Variants in PLEKHN1 observed in about 807,000 individuals in gnomAD.
PLEKHN1 encodes the protein pleckstrin homology domain containing N1, also known as pleckstrin homology domain-containing family N member 1.
A neutral mutation model predicts 72.8 loss-of-function variants in PLEKHN1; 68 were observed. The ratio of observed to expected loss-of-function variants is 0.93; its 90% CI spans 0.77 to 1.14. PLEKHN1 has a LOEUF of 1.14. Among genes scored for constraint, PLEKHN1 ranks in the 50% most tolerant of loss-of-function variants. The probability of loss-of-function intolerance (pLI) is 0.00; values close to 1 mark genes in which losing one functional copy is unlikely to be tolerated. For missense variants in PLEKHN1, 1,015 were observed against 840.5 expected (o/e 1.21, Z -2.57); for synonymous variants, 454 against 371.6 (o/e 1.22, Z -2.55).
intron 13 of PLEKHN1, 31 bp from the exon 14 acceptor site, chr1:973,802 A>G (rs1187306873): frequency 1.9e-6 from 3 of 1,597,984 alleles, no homozygotes; most frequent in Non-Finnish European, 2.6e-6. Context: ...CCTGGCTGCC[A>G]CCCAGGCCCC....
chr1:969,676 G>C (rs1643194022), intron 2 of PLEKHN1, among the ~76,000 whole-genome samples: 1 of 152,158 alleles, frequency 6.6e-6, no homozygotes, highest in Non-Finnish European at 1.5e-5. Context: ...ATGTGTGCGT[G>C]TGTGTACATG....
At position 973,342 on chromosome 1, in the gene PLEKHN1, C is replaced by T; in HGVS notation, c.1293+16C>T. The stretch of plus-strand genomic sequence containing the variant: ...CCTGACCCAGGTGGGCCCAGCACAC[C>T]CACACAGCCCCTGGCCTGGTTCCCA... On this transcript the variant is annotated intron_variant, in intron 12 of 15. Coordinates refer to ENST00000379410, the MANE Select transcript of PLEKHN1 (RefSeq NM_032129.3). 1 of 1,551,182 alleles carries T rather than the reference C, an allele frequency of 6.4e-7. No individual in the cohort carries two copies. Among genetic ancestry groups the T allele is most frequent in the Non-Finnish European group, 8.7e-7 (1 of 1,145,162 alleles).
At position 974,024 on chromosome 1, in the gene PLEKHN1, G is replaced by GCCGCAGCCC. The variant is rs1557653555; in HGVS notation, c.1629_1637dup (p.Gln544_Pro546dup). On this transcript the variant is annotated inframe_insertion, in exon 14 of 16. Coordinates refer to ENST00000379410, the MANE Select transcript of PLEKHN1 (RefSeq NM_032129.3). Reference sequence around the variant, plus strand: ...ACCGGGGCTCAGCCAAGGATGGGGGGCCGCAGCCCCCAGACGCCCCTCAGC... The same window carrying GCCGCAGCCC: ...ACCGGGGCTCAGCCAAGGATGGGGGGCCGCAGCCCCCGCAGCCCCCAGACGCCCCTCAGC... 1 of 1,597,692 alleles carries GCCGCAGCCC rather than the reference G, an allele frequency of 6.3e-7. No individual in the cohort carries two copies. The highest frequency in any genetic ancestry group is 1.7e-5 in the Admixed American group (1 of 58,428).
At chr1:966,918 C>T (rs952069077) in intron 2 of PLEKHN1, 115 bp downstream of exon 2, 13 of 1,178,574 alleles carry the variant, frequency 1.1e-5, no homozygotes, top group African/African-American at 4.7e-5. Context: ...GTTCAGACCC[C>T]GGTAGGTGAG....
At chr1:972,013 A>T in intron 8 of PLEKHN1, 62 bp from the exon 9 acceptor site, 1 of 1,488,084 alleles carries the variant, frequency 6.7e-7, no homozygotes, top group Non-Finnish European at 9.2e-7. Flanking sequence ...GGGTGGGATG[A>T]GGCCAGGCGG....
rs1271799950 is a variant in PLEKHN1, at chr1:973,534, C to T, written c.1328C>T (p.Ala443Val). The T allele has an allele frequency of 6.2e-7, 1 of 1,613,118 alleles. No homozygotes were observed. The highest frequency in any genetic ancestry group is 1.3e-5 in the African/African-American group (1 of 74,914). The change falls in exon 13 of 16, where the codon GCC (alanine) becomes GTC (valine). Residue 443 changes from alanine to valine, a missense_variant. Transcript: ENST00000379410. ...HRLSLESSPD[A>V]PDHTSETSHS... is the part of the protein sequence containing the mutation. The stretch of plus-strand genomic sequence containing the variant: ...CTGAGCCTGGAGAGCAGCCCAGATG[C>T]CCCTGACCACACTTCGGAAACATCA...
rs762614252 is a variant in PLEKHN1, at chr1:972,983, C to A, written c.1125C>A (p.Thr375=). 17 of 1,594,418 alleles carry A rather than the reference C, an allele frequency of 1.1e-5. No homozygotes were observed. The highest frequency in any genetic ancestry group is 1.2e-5 in the Non-Finnish European group (14 of 1,170,280). Residue 375 remains threonine, a synonymous_variant, in exon 11 of 16, where the codon ACC becomes ACA. Transcript: ENST00000379410. ...TGCCTGAGTCCTCAGTGCCATCCAC[C>A]GTGGGCTGCTCCTCCCAGCACACAC... ...HSLPESSVPS[T]VGCSSQHTPD...
In PLEKHN1 at chr1:970,537, A is replaced by C; in HGVS notation, c.347A>C (p.Tyr116Ser). ...CCCGCGCAGGATGTCAGCGACTGCTACCTGGAGCTATTCCCCGCCCACCTG... is the reference window on the plus strand; with the variant it reads ...CCCGCGCAGGATGTCAGCGACTGCTCCCTGGAGCTATTCCCCGCCCACCTG... ...FQHSQDVSDC[Y>S]LELFPAHLYF... Residue 116 changes from tyrosine to serine, a missense_variant, in exon 4 of 16, where the codon TAC becomes TCC. Transcript: ENST00000379410. This position sits in a 1 kb window ranked among gnomAD's most constrained non-coding sequence, Gnocchi z 4.2. 6.2e-7 allele frequency: 1 copy of C among 1,613,064 alleles called. No homozygotes were observed. Among genetic ancestry groups the C allele is most frequent in the East Asian group, 2.2e-5 (1 of 44,854 alleles).
At chr1:969,848 G>A (rs985767052) in intron 2 of PLEKHN1, among the ~76,000 whole-genome samples, 15 of 151,890 alleles carry the variant, frequency 9.9e-5, no homozygotes, top group South Asian at 2.1e-4. Flanking sequence ...GCATGTGCAC[G>A]TATCGGGTGT....
intron 2 of PLEKHN1, 145 bp downstream of exon 2, chr1:966,948 C>T (rs913797598): frequency 1.0e-5 from 9 of 886,698 alleles, no homozygotes; most frequent in Admixed American, 9.1e-5. Context: ...CTGACTGCCC[C>T]GCCCTGGGGA....
chr1:966,616 T>G lies in PLEKHN1; in HGVS notation c.83+2T>G. ...AAAGCCCTCGCTGAAGGGAAACAGG[T>G]GAGCGGGGCGTGGGTGCGGCCACCT... On this transcript the variant is annotated splice_donor_variant, in intron 1 of 15. Coordinates refer to ENST00000379410, the MANE Select transcript of PLEKHN1 (RefSeq NM_032129.3). LOFTEE classifies it high-confidence loss of function. The G allele has an allele frequency of 6.2e-7, 1 of 1,608,640 alleles. No individual in the cohort carries two copies. Among genetic ancestry groups the G allele is most frequent in the Non-Finnish European group, 8.5e-7 (1 of 1,177,260 alleles).
rs756339803 is a variant in PLEKHN1 at position 974,338 on chromosome 1, C to T, written c.1676C>T (p.Ser559Leu). ...PQLVSSAREG[S>L]PEPWLPLTDG... is the part of the protein sequence containing the mutation. ...CAGGTCTCCTCTGCCAGGGAAGGTTCGCCCGAACCCTGGCTGCCTCTGACA... is the reference window on the plus strand; with the variant it reads ...CAGGTCTCCTCTGCCAGGGAAGGTTTGCCCGAACCCTGGCTGCCTCTGACA... Residue 559 changes from serine to leucine, a missense_variant, in exon 15 of 16, where the codon TCG (serine) becomes TTG (leucine). Physicochemically the swap from Ser to Leu is moderately radical, Grantham distance 145. Transcript: ENST00000379410. 22 of 1,612,800 alleles carry T rather than the reference C, an allele frequency of 1.4e-5. No homozygotes were observed. Among genetic ancestry groups the T allele is most frequent in the African/African-American group, 8.0e-5 (6 of 74,910 alleles).
In PLEKHN1 at chr1:970,482, TCC is replaced by T; in HGVS notation, c.331-36_331-35del. On this transcript the variant is annotated intron_variant, in intron 3 of 15. Coordinates refer to ENST00000379410, the MANE Select transcript of PLEKHN1 (RefSeq NM_032129.3). The surrounding 1 kb of genome is among the most constrained non-coding windows in gnomAD (Gnocchi z 4.2). ...TGCAGCATCCCCATCAGCCTGGGGC[TCC>T]CCAGACTCCGCACTGACGACCCTGC... The T allele has an allele frequency of 6.2e-7, 1 of 1,612,932 alleles. No homozygotes were observed. Among genetic ancestry groups the T allele is most frequent in the Non-Finnish European group, 8.5e-7 (1 of 1,179,888 alleles).
In PLEKHN1 at chr1:970,243, G is replaced by A. The variant is rs770778738; in HGVS notation, c.184-34G>A. On this transcript the variant is annotated intron_variant, in intron 2 of 15. Transcript: ENST00000379410. The surrounding 1 kb of genome is among the most constrained non-coding windows in gnomAD (Gnocchi z 4.2). ...GAGCGGAGGGGGTGGGGGGCCCAGG[G>A]GAGGCCCCCTCCCCTGAGCTCTACT... is the stretch of plus-strand genomic sequence containing the variant. 71 of 1,606,418 alleles carry A rather than the reference G, an allele frequency of 4.4e-5. No homozygotes were observed. The highest frequency in any genetic ancestry group is 5.9e-5 in the Non-Finnish European group (69 of 1,176,494).
Position 973,266 on chromosome 1 carries a change from G to A in PLEKHN1, c.1233G>A (p.Gly411=). 1 of 1,544,506 alleles carries A rather than the reference G, an allele frequency of 6.5e-7. No homozygotes were observed. Residue 411 remains glycine, a synonymous_variant, in exon 12 of 16, where the codon GGG becomes GGA. Coordinates refer to ENST00000379410, the MANE Select transcript of PLEKHN1 (RefSeq NM_032129.3). ...GCAGTGGCAGCAGCCGGTCACCCGG[G>A]AGCAAGGCCCGGGCAGAGGGCCGCG... is the stretch of plus-strand genomic sequence containing the variant. ...LRRSGSSRSP[G]SKARAEGRGP...
Position 970,861 on chromosome 1 carries a change from T to C in PLEKHN1, c.485-18T>C. 6.2e-7 allele frequency: 1 copy of C among 1,611,984 alleles called. No individual in the cohort carries two copies. Among genetic ancestry groups the C allele is most frequent in the Non-Finnish European group, 8.5e-7 (1 of 1,179,916 alleles). On this transcript the variant is annotated intron_variant, in intron 5 of 15. Transcript: ENST00000379410. The surrounding 1 kb of genome is among the most constrained non-coding windows in gnomAD (Gnocchi z 4.2). ...AGCACGTGTGTGTATGTGTGTGCCC[T>C]CTCTGCCCTGCCCGCAGGCCCACTG...
At chr1:974,155 G>A in intron 14 of PLEKHN1, 104 bp downstream of exon 14, 1 of 1,482,884 alleles carries the variant, frequency 6.7e-7, no homozygotes, top group Admixed American at 1.9e-5. Flanking sequence ...GAAACAGGAG[G>A]ACGGGGGCAG....
chr1:972,233 G>A, intron 9 of PLEKHN1, 55 bp from the exon 10 acceptor site: 1 of 1,601,688 alleles, frequency 6.2e-7, no homozygotes, highest in Non-Finnish European at 8.5e-7. Context: ...ACTCTTTAGT[G>A]GGGGCGCTGA....
chr1:971,665 T>C, intron 8 of PLEKHN1: 3 of 594,276 alleles, frequency 5.0e-6, no homozygotes, highest in Non-Finnish European at 9.0e-6. Flanking sequence ...TCCCGGGGAC[T>C]CCCTTGTGTG....
Sources: gnomAD v4.1 joint callset for allele counts (sites outside exome capture counted in the v4.1 genomes callset) on GRCh38, gnomAD v4.1.1 for gene constraint, Gnocchi (gnomAD v3.1) non-coding constraint, MANE v1.5 for transcripts, NCBI Gene and HGNC (gene_info 2026-07-23, HGNC 2026-07-21) for gene names.